LGR4: variants seen among roughly 807,000 people sequenced by gnomAD.
LGR4 encodes the protein leucine rich repeat containing G protein-coupled receptor 4.
In LGR4, 44 loss-of-function variants were observed where a neutral mutation model predicts 84.8. That is an observed-to-expected ratio of 0.52 (90% confidence interval 0.41 to 0.67). The LOEUF is 0.67. LGR4 is among the 30% of genes least tolerant of loss of function. The pLI is 0.00. For missense variants in LGR4, 1,032 were observed against 1,131.4 expected (o/e 0.91, Z 1.26); for synonymous variants, 429 against 434.3 (o/e 0.99, Z 0.15).
chr11:27,391,257 A>T (rs925988396), intron 3 of LGR4, 92 bp from the exon 4 acceptor site: 2 of 628,406 alleles, frequency 3.2e-6, no homozygotes, highest in Admixed American at 6.0e-5. Flanking sequence ...TTTTTCAAAA[A>T]ATATTTCCAA....
intron 4 of LGR4, among the ~76,000 whole-genome samples, chr11:27,388,101 T>C (rs1334146084): frequency 6.6e-6 from 1 of 152,160 alleles, no homozygotes; most frequent in Non-Finnish European, 1.5e-5. Flanking sequence ...TTCCAAAAAA[T>C]TGTGAAGTCA....
intron 1 of LGR4, among the ~76,000 whole-genome samples, chr11:27,437,097 G>A (rs1864224947): frequency 6.6e-6 from 1 of 152,150 alleles, no homozygotes; most frequent in South Asian, 2.1e-4. Flanking sequence ...AAGTTGGGAT[G>A]GGTCTTAAAT....
intron 1 of LGR4, among the ~76,000 whole-genome samples, chr11:27,441,495 G>A (rs1432811239): frequency 6.6e-6 from 1 of 152,182 alleles, no homozygotes; most frequent in Non-Finnish European, 1.5e-5. Flanking sequence ...AACAGGGTAA[G>A]AGGGTTAAGG....
chr11:27,401,458 AC>A (rs1863501775), intron 2 of LGR4, among the ~76,000 whole-genome samples: 1 of 152,120 alleles, frequency 6.6e-6, no homozygotes, highest in South Asian at 2.1e-4. Context: ...CTAGTCATTT[AC>A]CCTCTGGCAA....
At chr11:27,456,413 T>C (rs78011600) in intron 1 of LGR4, among the ~76,000 whole-genome samples, 1 of 152,330 alleles carries the variant, frequency 6.6e-6, no homozygotes, top group Non-Finnish European at 1.5e-5. Context: ...TCATGGGTGA[T>C]TCACTTTTAT....
intron 17 of LGR4, among the ~76,000 whole-genome samples, chr11:27,371,251 G>A (rs901615826): frequency 3.9e-5 from 6 of 152,114 alleles, no homozygotes; most frequent in Non-Finnish European, 5.9e-5. Flanking sequence ...GTAAATGAGG[G>A]GAAATAAGGA....
chr11:27,448,338 G>A (rs1174888275), intron 1 of LGR4, among the ~76,000 whole-genome samples: 2 of 150,900 alleles, frequency 1.3e-5, no homozygotes. Flanking sequence ...TGTTGCCCAG[G>A]CTGGAGTGCA....
chr11:27,417,033 G>C (rs1482051504), intron 1 of LGR4, among the ~76,000 whole-genome samples: 1 of 152,112 alleles, frequency 6.6e-6, no homozygotes, highest in Non-Finnish European at 1.5e-5. Context: ...TCCTTACTGG[G>C]TCTGGGCCTT....
chr11:27,394,942 T>C (rs2133381300), intron 2 of LGR4, among the ~76,000 whole-genome samples: 1 of 152,204 alleles, frequency 6.6e-6, no homozygotes, highest in African/African-American at 2.4e-5. Context: ...CAGAAACTGC[T>C]TTCTCAGAAG....
chr11:27,418,324 A>G (rs1028110873), intron 1 of LGR4, among the ~76,000 whole-genome samples: 3 of 152,244 alleles, frequency 2.0e-5, no homozygotes, highest in African/African-American at 7.2e-5. Flanking sequence ...CCAAAACAGT[A>G]TATGTGCCAT....
chr11:27,439,233 C>A (rs1042009798), intron 1 of LGR4, among the ~76,000 whole-genome samples: 1 of 152,128 alleles, frequency 6.6e-6, no homozygotes, highest in Non-Finnish European at 1.5e-5. Flanking sequence ...CCCCACTCCC[C>A]CTAGCCCTTG....
chr11:27,395,045 G>C (rs933224045), intron 2 of LGR4, among the ~76,000 whole-genome samples: 1 of 152,014 alleles, frequency 6.6e-6, no homozygotes, highest in Non-Finnish European at 1.5e-5. Context: ...AAGGGACCCC[G>C]GTCTCACCCA....
In LGR4 at chr11:27,367,397, T is replaced by A. The variant is rs1047649776; in HGVS notation, c.*470A>T. ...TCACAGTTCTAGCTGGGACAGTCCCTTTTTTGGCCCTGCAGTAAGTTGTCC... is the reference window on the plus strand; with the variant it reads ...TCACAGTTCTAGCTGGGACAGTCCCATTTTTGGCCCTGCAGTAAGTTGTCC... On this transcript the variant is annotated 3_prime_UTR_variant, in exon 18 of 18. Transcript: ENST00000379214. 1 of 153,462 alleles carries A rather than the reference T, an allele frequency of 6.5e-6. No individual in the cohort carries two copies. Among genetic ancestry groups the A allele is most frequent in the Non-Finnish European group, 1.5e-5 (1 of 68,656 alleles). 9.5% of individuals were successfully genotyped at this position (153,462 alleles called of 1,614,324 possible).
chr11:27,392,047 C>A (rs888399205), intron 3 of LGR4, among the ~76,000 whole-genome samples: 5 of 152,168 alleles, frequency 3.3e-5, no homozygotes, highest in African/African-American at 1.2e-4. Flanking sequence ...TTCCCTTGAG[C>A]TCTAAAATTA....
At chr11:27,468,885 T>C (rs995315857) in intron 1 of LGR4, among the ~76,000 whole-genome samples, 8 of 152,052 alleles carry the variant, frequency 5.3e-5, no homozygotes, top group African/African-American at 1.9e-4. Context: ...GAGGTCTACG[T>C]TTCTCAAACA....
At chr11:27,412,979 A>G in intron 1 of LGR4, 119 bp from the exon 2 acceptor site, 1 of 680,170 alleles carries the variant, frequency 1.5e-6, no homozygotes, top group Non-Finnish European at 2.6e-6. Flanking sequence ...AGACACATAG[A>G]AACAGTCACA....
At chr11:27,456,646 A>G (rs188649790) in intron 1 of LGR4, among the ~76,000 whole-genome samples, 1 of 152,330 alleles carries the variant, frequency 6.6e-6, no homozygotes, top group African/African-American at 2.4e-5. Context: ...AAGTCCACGG[A>G]AGAAAGAAAA....
At position 27,367,891 on chromosome 11, in the gene LGR4, G is replaced by A; in HGVS notation, c.2832C>T (p.Tyr944=). 6.3e-7 allele frequency: 1 copy of A among 1,596,186 alleles called. No individual in the cohort carries two copies. The highest frequency in any genetic ancestry group is 8.5e-7 in the Non-Finnish European group (1 of 1,175,172). ...TTCAGTCTTTAACTCTTGGTAGATT[G>A]TAAGCATAGCGCACCAAAGGGAATC... ...SRGFPLVRYA[Y]NLPRVKD is the part of the protein sequence containing the mutation. Residue 944 remains tyrosine, a synonymous_variant, in exon 18 of 18, where the codon TAC becomes TAT. Coordinates refer to ENST00000379214, the MANE Select transcript of LGR4 (RefSeq NM_018490.5).
chr11:27,373,917 A>G lies in LGR4; in HGVS notation c.1253+58T>C. The stretch of plus-strand genomic sequence containing the variant: ...TTTTGATTCGACAATGTTAAAACAG[A>G]TGTTTCTATAGCACTAGTTACTACT... On this transcript the variant is annotated intron_variant, in intron 14 of 17. Coordinates refer to ENST00000379214, the MANE Select transcript of LGR4 (RefSeq NM_018490.5). 4 of 1,198,630 alleles carry G rather than the reference A, an allele frequency of 3.3e-6. No individual in the cohort carries two copies. The South Asian group carries it at 4.9e-5, about 15-fold the overall frequency. The allele number at this position is 1,198,630 out of a possible 1,614,324, so 74.2% of individuals were successfully genotyped here.
Sources: gnomAD v4.1 joint callset for allele counts (sites outside exome capture counted in the v4.1 genomes callset) on GRCh38, gnomAD v4.1.1 for gene constraint, MANE v1.5 for transcripts, NCBI Gene and HGNC (gene_info 2026-07-23, HGNC 2026-07-21) for gene names.